Variants in MRAP observed in about 807,000 individuals in gnomAD.
MRAP encodes melanocortin 2 receptor accessory protein.
MRAP carries 8 observed loss-of-function variants against 8.7 expected under a neutral mutation model. The observed-to-expected ratio is 0.92, with a 90% CI of 0.54 to 1.66. The LOEUF is 1.66. Among genes scored for constraint, MRAP ranks in the 40% most tolerant of loss-of-function variants. The pLI, the probability that MRAP is intolerant of heterozygous loss-of-function variation, is 0.00. For missense variants in MRAP, 237 were observed against 217.1 expected (o/e 1.09, Z -0.58); for synonymous variants, 95 against 95.5 (o/e 1.00, Z 0.03).
upstream of MRAP, among the ~76,000 whole-genome samples, chr21:32,295,093 C>T (rs1008621589): frequency 2.0e-5 from 3 of 151,390 alleles, no homozygotes; most frequent in African/African-American, 7.3e-5. Flanking sequence ...CAAATTCATA[C>T]GGGTCTGCAG....
chr21:32,300,336 A>G (rs1382122836), intron 1 of MRAP, among the ~76,000 whole-genome samples: 1 of 151,124 alleles, frequency 6.6e-6, no homozygotes, highest in Non-Finnish European at 1.5e-5. Context: ...ATCCTATGTC[A>G]GGGGCGTCAC....
chr21:32,310,867 G>C (rs559241651), intron 2 of MRAP, among the ~76,000 whole-genome samples: 2 of 151,902 alleles, frequency 1.3e-5, no homozygotes, highest in Non-Finnish European at 2.9e-5. Flanking sequence ...GGATTGTCTC[G>C]ATCTCCTGAC....
chr21:32,300,162 G>A (rs893572592), intron 1 of MRAP, among the ~76,000 whole-genome samples: 1 of 152,184 alleles, frequency 6.6e-6, no homozygotes, highest in African/African-American at 2.4e-5. Context: ...CAACTAGAGA[G>A]GATCACTTGA....
At chr21:32,294,093 G>A (rs1276200027), upstream of MRAP, among the ~76,000 whole-genome samples, 1 of 151,868 alleles carries the variant, frequency 6.6e-6, no homozygotes, top group African/African-American at 2.4e-5. Context: ...TTCTGTAGAG[G>A]TATCTACTGG....
chr21:32,312,423 C>A (rs570196424), downstream of MRAP: 3 of 770,804 alleles, frequency 3.9e-6, no homozygotes, highest in South Asian at 7.5e-5. Flanking sequence ...TCCACTAACA[C>A]CCGCCGGCTC....
chr21:32,304,664 A>C (rs9789888), intron 1 of MRAP, among the ~76,000 whole-genome samples: 200 of 8,888 alleles, frequency 0.023, no homozygotes, highest in African/African-American at 0.04. Context: ...AACAAACAAA[A>C]CAAACCAAAA....
chr21:32,311,589 C>G, intron 2 of MRAP, 95 bp from the exon 3 acceptor site: 1 of 1,526,612 alleles, frequency 6.6e-7, no homozygotes, highest in Non-Finnish European at 8.8e-7. Context: ...GGGGTCCGGG[C>G]AGATGGCAGG....
Position 32,298,893 on chromosome 21 carries a change from G to T in MRAP, c.-79G>T. On this transcript the variant is annotated 5_prime_UTR_variant, in exon 1 of 3. Coordinates refer to ENST00000303645, the MANE Select transcript of MRAP (RefSeq NM_001379228.1). Reference sequence around the variant, plus strand: ...GACGATTCCTGCAGAAATCAGTGAGGCAGTCTCCTCCCAGGGGCTTGGCGC... The same window carrying T: ...GACGATTCCTGCAGAAATCAGTGAGTCAGTCTCCTCCCAGGGGCTTGGCGC... 1.1e-6 allele frequency: 1 copy of T among 951,660 alleles called. No homozygotes were observed. The allele number at this position is 951,660 out of a possible 1,614,324, so 59.0% of individuals were successfully genotyped here. A position where few individuals can be genotyped will look rare whatever the true frequency, so the allele number is the denominator to read the frequency against.
chr21:32,314,497 T>C (rs2032646726), downstream of MRAP: 4 of 1,541,660 alleles, frequency 2.6e-6, no homozygotes, highest in Non-Finnish European at 3.6e-6. Context: ...AAATAAACTT[T>C]AAACATCTCT....
At chr21:32,296,992 A>G (rs1023873885), upstream of MRAP, among the ~76,000 whole-genome samples, 2 of 152,242 alleles carry the variant, frequency 1.3e-5, no homozygotes, top group Admixed American at 6.5e-5. Flanking sequence ...CTACGGTGTC[A>G]CTAGTGATAG....
chr21:32,298,927 AGGCGAGGCTGC>A lies in MRAP; in HGVS notation c.-44_-34del. On this transcript the variant is annotated 5_prime_UTR_variant, in exon 1 of 3. Coordinates refer to ENST00000303645, the MANE Select transcript of MRAP (RefSeq NM_001379228.1). ...TCCCAGGGGCTTGGCGCCTGGCTCG[AGGCGAGGCTGC>A]CGGCCCGGACGCTGACTGCCCAGTG... 7.0e-7 allele frequency: 1 copy of A among 1,437,190 alleles called. No individual in the cohort carries two copies. Among genetic ancestry groups the A allele is most frequent in the South Asian group, 1.2e-5 (1 of 86,802 alleles). 89.0% of individuals were successfully genotyped at this position (1,437,190 alleles called of 1,614,324 possible).
At chr21:32,309,814 G>A (rs1161538956) in intron 2 of MRAP, among the ~76,000 whole-genome samples, 1 of 151,082 alleles carries the variant, frequency 6.6e-6, no homozygotes, top group African/African-American at 2.4e-5. Flanking sequence ...ATCGTGGCCG[G>A]TGCCTGTAAT....
At chr21:32,307,414 T>C (rs1160115821) in intron 2 of MRAP, among the ~76,000 whole-genome samples, 1 of 151,622 alleles carries the variant, frequency 6.6e-6, no homozygotes, top group Non-Finnish European at 1.5e-5. Context: ...CTGTCTCTAC[T>C]AAAAATACAA....
At chr21:32,309,904 C>T (rs2032516014) in intron 2 of MRAP, among the ~76,000 whole-genome samples, 1 of 152,008 alleles carries the variant, frequency 6.6e-6, no homozygotes, top group South Asian at 2.1e-4. Context: ...GATGGCATCA[C>T]TGAGGTCAGG....
chr21:32,310,720 C>T (rs1262281480), intron 2 of MRAP, among the ~76,000 whole-genome samples: 3 of 151,288 alleles, frequency 2.0e-5, no homozygotes, highest in Admixed American at 6.6e-5. Context: ...AATCTTGGCT[C>T]GCTGCAACTT....
chr21:32,307,576 C>CAA (rs1175455972), intron 2 of MRAP, among the ~76,000 whole-genome samples: 5 of 60,394 alleles, frequency 8.3e-5, no homozygotes, highest in Non-Finnish European at 1.1e-4. Flanking sequence ...GACTCCGTCT[C>CAA]AAAAAAAAAA....
chr21:32,314,703 A>G, downstream of MRAP: 3 of 1,571,552 alleles, frequency 1.9e-6, no homozygotes, highest in East Asian at 2.2e-5. Context: ...ATTCCTTGCA[A>G]CTCTGATGCT....
downstream of MRAP, chr21:32,312,976 G>C (rs1343779705): frequency 1.3e-5 from 2 of 152,208 alleles, no homozygotes; most frequent in Non-Finnish European, 2.9e-5. Context: ...ACACGAACAA[G>C]GTCAGGGCAG....
In MRAP at chr21:32,298,867, G is replaced by A. The variant is rs1279954075; in HGVS notation, c.-105G>A. 1 of 801,882 alleles carries A rather than the reference G, an allele frequency of 1.2e-6. No homozygotes were observed. The highest frequency in any genetic ancestry group is 2.2e-6 in the Non-Finnish European group (1 of 463,632). The allele number at this position is 801,882 out of a possible 1,614,324, so 49.7% of individuals were successfully genotyped here. On this transcript the variant is annotated 5_prime_UTR_variant, in exon 1 of 3. Coordinates refer to ENST00000303645, the MANE Select transcript of MRAP (RefSeq NM_001379228.1). ...AGCCTAGAGACCCACAGACACACTT[G>A]GACGATTCCTGCAGAAATCAGTGAG... is the stretch of plus-strand genomic sequence containing the variant.
Sources: allele counts gnomAD v4.1 joint callset (sites outside exome capture counted in the v4.1 genomes callset), GRCh38; gene constraint gnomAD v4.1.1; transcripts MANE v1.5; gene names NCBI Gene and HGNC (gene_info 2026-07-23, HGNC 2026-07-21).